PCDHGB5: variants seen among roughly 807,000 people sequenced by gnomAD.
The protein encoded by PCDHGB5 is protocadherin gamma-B5.
In PCDHGB5, 48 loss-of-function variants were observed where a neutral mutation model predicts 62.9. That is an observed-to-expected ratio of 0.76 (90% CI 0.61 to 0.97). PCDHGB5 has a LOEUF of 0.97. PCDHGB5 is among the 50% of genes least tolerant of loss of function. The pLI is 0.00. For synonymous variants in PCDHGB5, 474 were observed against 511.2 expected (o/e 0.93, Z 0.98); for missense variants, 1,118 against 1,198.6 (o/e 0.93, Z 0.99).
In PCDHGB5 at chr5:141,462,417, A is replaced by G. The variant is rs184240612; in HGVS notation, c.2398-32390A>G. 4.0e-4 allele frequency among the ~76,000 whole-genome samples: 61 copies of G among 152,300 alleles called. 1 individual carries two copies. The highest frequency in any genetic ancestry group is 3.2e-3 in the Admixed American group (49 of 15,300). ...TCTTTTATGGCACAGAATATGGTCT[A>G]TCTTGGTGAGTGTTGCTTACACACA... On this transcript the variant is annotated intron_variant, in intron 1 of 3. Transcript: ENST00000617380.
At chr5:141,439,432 A>C (rs537630916) in intron 1 of PCDHGB5, among the ~76,000 whole-genome samples, 1 of 152,326 alleles carries the variant, frequency 6.6e-6, no homozygotes, top group African/African-American at 2.4e-5. Flanking sequence ...AATTCCCAGG[A>C]ATATTTTATT....
intron 1 of PCDHGB5, chr5:141,418,983 A>T: frequency 6.2e-7 from 1 of 1,613,900 alleles, no homozygotes; most frequent in Admixed American, 1.7e-5. Context: ...CGGGACCAAG[A>T]CTCAGGGGAA....
chr5:141,483,716 G>C (rs772661472), intron 1 of PCDHGB5, among the ~76,000 whole-genome samples: 1 of 151,974 alleles, frequency 6.6e-6, no homozygotes, highest in Non-Finnish European at 1.5e-5. Context: ...CCAGAATATT[G>C]GTTCCCACCA....
Position 141,477,265 on chromosome 5 carries a change from G to T in PCDHGB5, c.2398-17542G>T. On this transcript the variant is annotated intron_variant, in intron 1 of 3. Coordinates refer to ENST00000617380, the MANE Select transcript of PCDHGB5 (RefSeq NM_018925.3). The surrounding 1 kb of genome is among the most constrained non-coding windows in gnomAD (Gnocchi z 4.9). ...GTGTGACTGACCTGGATGCTGGCGA[G>T]AACGGGCTGGTGACCTGCGAAGTTC... 6.2e-7 allele frequency: 1 copy of T among 1,614,198 alleles called. No individual in the cohort carries two copies. Among genetic ancestry groups the T allele is most frequent in the Non-Finnish European group, 8.5e-7 (1 of 1,180,044 alleles).
In PCDHGB5 at chr5:141,487,930, G is replaced by T; in HGVS notation, c.2398-6877G>T. On this transcript the variant is annotated intron_variant, in intron 1 of 3. Coordinates refer to ENST00000617380, the MANE Select transcript of PCDHGB5 (RefSeq NM_018925.3). This position sits in a 1 kb window ranked among gnomAD's most constrained non-coding sequence, Gnocchi z 5.0. Reference sequence around the variant, plus strand: ...GAGCACAGGAGGCTACAGTGCACAGGGTACAGTGCACCAGGCAGTCACTTG... The same window carrying T: ...GAGCACAGGAGGCTACAGTGCACAGTGTACAGTGCACCAGGCAGTCACTTG... 2 of 613,220 alleles carry T rather than the reference G, an allele frequency of 3.3e-6. No homozygotes were observed. Among genetic ancestry groups the T allele is most frequent in the African/African-American group, 1.8e-5 (1 of 54,186 alleles). 38.0% of individuals were successfully genotyped at this position (613,220 alleles called of 1,614,324 possible).
At chr5:141,433,358 C>CCTATCTATCTAT (rs3074541) in intron 1 of PCDHGB5, 6,701 of 503,954 alleles carry the variant, frequency 0.013, 75 homozygotes, top group East Asian at 0.016. Context: ...CTACTGTCTG[C>CCTATCTATCTAT]CTATCTATCT....
chr5:141,486,163 G>A lies in PCDHGB5; in HGVS notation c.2398-8644G>A. 2.5e-6 allele frequency: 4 copies of A among 1,614,212 alleles called. No individual in the cohort carries two copies. Among genetic ancestry groups the A allele is most frequent in the Non-Finnish European group, 3.4e-6 (4 of 1,180,034 alleles). The stretch of plus-strand genomic sequence containing the variant: ...CTCGCGATGGGGGTTCTCCAGCCAT[G>A]GAGCAACATTGCAGCCTTCGAGTGG... On this transcript the variant is annotated intron_variant, in intron 1 of 3. Transcript: ENST00000617380. This position sits in a 1 kb window ranked among gnomAD's most constrained non-coding sequence, Gnocchi z 5.0.
chr5:141,416,042 A>G (rs1024979061), intron 1 of PCDHGB5: 1 of 193,196 alleles, frequency 5.2e-6, no homozygotes, highest in African/African-American at 2.3e-5. Context: ...ACCTCTGGAA[A>G]CACAACCCAA....
At chr5:141,470,815 G>A (rs891225908) in intron 1 of PCDHGB5, among the ~76,000 whole-genome samples, 1 of 151,980 alleles carries the variant, frequency 6.6e-6, no homozygotes, top group African/African-American at 2.4e-5. Flanking sequence ...AGCCTTCTGA[G>A]TAGTTAGGAC....
chr5:141,419,443 C>G lies in PCDHGB5; in HGVS notation c.2397+18919C>G, dbSNP rs1476796525. ...TCGACCACGAGCAGCTGCGCACCTT[C>G]GAGCTCACGCTGCAGGCCCGCGACC... On this transcript the variant is annotated intron_variant, in intron 1 of 3. Coordinates refer to ENST00000617380, the MANE Select transcript of PCDHGB5 (RefSeq NM_018925.3). 6.2e-7 allele frequency: 1 copy of G among 1,613,080 alleles called. No individual in the cohort carries two copies. Among genetic ancestry groups the G allele is most frequent in the Non-Finnish European group, 8.5e-7 (1 of 1,179,758 alleles).
chr5:141,473,892 G>C (rs1247711441), intron 1 of PCDHGB5, among the ~76,000 whole-genome samples: 1 of 152,138 alleles, frequency 6.6e-6, no homozygotes, highest in African/African-American at 2.4e-5. Context: ...GGGTTCTGTT[G>C]GTTCATGAAG....
intron 1 of PCDHGB5, chr5:141,419,434 G>A (rs372006900): frequency 2.5e-5 from 41 of 1,613,112 alleles, no homozygotes; most frequent in Non-Finnish European, 3.3e-5. Flanking sequence ...ACGAGCAGCT[G>A]CGCACCTTCG....
At chr5:141,478,068 A>T (rs560968418) in intron 1 of PCDHGB5, 1 of 1,614,134 alleles carries the variant, frequency 6.2e-7, no homozygotes, top group East Asian at 2.2e-5. Flanking sequence ...ATCAAAGACA[A>T]TGGGGAGCCT....
In PCDHGB5 at chr5:141,476,336, C is replaced by A; in HGVS notation, c.2398-18471C>A. 18 of 1,614,008 alleles carry A rather than the reference C, an allele frequency of 1.1e-5. No homozygotes were observed. Among genetic ancestry groups the A allele is most frequent in the Non-Finnish European group, 1.5e-5 (18 of 1,180,008 alleles). ...GTTCCGGGTGGTGTCTGGAGCTAGC[C>A]GAAGATTCTTTGAGGTGAACCGGGA... On this transcript the variant is annotated intron_variant, in intron 1 of 3. Coordinates refer to ENST00000617380, the MANE Select transcript of PCDHGB5 (RefSeq NM_018925.3). The surrounding 1 kb of genome is among the most constrained non-coding windows in gnomAD (Gnocchi z 7.6).
intron 1 of PCDHGB5, among the ~76,000 whole-genome samples, chr5:141,454,172 CAGCTAAAGG>C (rs1351117555): frequency 6.6e-6 from 1 of 152,126 alleles, no homozygotes; most frequent in Admixed American, 6.5e-5. Context: ...TCTAGAAGGG[CAGCTAAAGG>C]AGCTTAGTGA....
intron 2 of PCDHGB5, among the ~76,000 whole-genome samples, chr5:141,501,526 G>A (rs2099809738): frequency 6.6e-6 from 1 of 151,962 alleles, no homozygotes; most frequent in Non-Finnish European, 1.5e-5. Context: ...CTGAAGCCCA[G>A]TACGTTGTTG....
chr5:141,414,537 T>C (rs2095757230), intron 1 of PCDHGB5: 1 of 1,613,978 alleles, frequency 6.2e-7, no homozygotes, highest in Non-Finnish European at 8.5e-7. Flanking sequence ...ACAACCCACC[T>C]ACCTTCTCTC....
intron 1 of PCDHGB5, chr5:141,414,723 C>T (rs775890033): frequency 1.9e-6 from 3 of 1,614,170 alleles, no homozygotes. Context: ...CAGACACTGG[C>T]GTCCTGTATG....
chr5:141,481,622 G>A (rs957374253), intron 1 of PCDHGB5, among the ~76,000 whole-genome samples: 6 of 151,854 alleles, frequency 4.0e-5, no homozygotes, highest in African/African-American at 1.2e-4. Flanking sequence ...GTTCAAGACC[G>A]GCCTGGCCAA....
Sources: allele counts gnomAD v4.1 joint callset (sites outside exome capture counted in the v4.1 genomes callset), GRCh38; gene constraint gnomAD v4.1.1; non-coding constraint Gnocchi (gnomAD v3.1); transcripts MANE v1.5; gene names NCBI Gene and HGNC (gene_info 2026-07-23, HGNC 2026-07-21).